The following VNN2 variants were observed in gnomAD, a reference collection of about 807,000 sequenced individuals.
The protein encoded by VNN2 is pantetheine hydrolase VNN2.
A neutral mutation model predicts 43.0 loss-of-function variants in VNN2; 43 were observed. The observed-to-expected ratio is 1.00, with a 90% confidence interval of 0.78 to 1.29. The LOEUF is 1.29. Among genes scored for constraint, VNN2 ranks in the 50% most tolerant of loss-of-function variants. The pLI, the probability that VNN2 is intolerant of heterozygous loss-of-function variation, is 0.00. For synonymous variants in VNN2, 230 were observed against 224.3 expected, an observed-to-expected ratio of 1.03 and a Z score of -0.23; for missense variants, 652 against 619.7, an observed-to-expected ratio of 1.05 and a Z score of -0.55.
At chr6:132,750,473 CT>C (rs1779987955) in intron 5 of VNN2, among the ~76,000 whole-genome samples, 1 of 103,302 alleles carries the variant, frequency 9.7e-6, no homozygotes, top group Non-Finnish European at 2.0e-5. Flanking sequence ...AACCCTGTCT[CT>C]ACTAAAAATA....
At chr6:132,755,666 C>T (rs1376477170) in intron 3 of VNN2, among the ~76,000 whole-genome samples, 177 bp downstream of exon 3, 2 of 152,062 alleles carry the variant, frequency 1.3e-5, no homozygotes, top group Non-Finnish European at 2.9e-5. Flanking sequence ...TAAGCCTCCA[C>T]GCCCAGCCAA....
At chr6:132,753,943 ACT>A (rs1470954116) in intron 3 of VNN2, 4 of 120,872 alleles carry the variant, frequency 3.3e-5, no homozygotes, top group East Asian at 2.3e-4. Context: ...ACAGAGCCAG[ACT>A]CTGCCTAAAA....
At chr6:132,745,336 C>G (rs1348381436) in intron 6 of VNN2, among the ~76,000 whole-genome samples, 1 of 152,196 alleles carries the variant, frequency 6.6e-6, no homozygotes, top group Non-Finnish European at 1.5e-5. Context: ...CTGCCTCAAG[C>G]TCCCCAGTAG....
upstream of VNN2, among the ~76,000 whole-genome samples, chr6:132,761,557 G>C (rs1460374953): frequency 6.6e-6 from 1 of 152,142 alleles, no homozygotes; most frequent in Admixed American, 6.5e-5. Flanking sequence ...CTACTCAGGA[G>C]GCTGAGGCGG....
chr6:132,762,171 G>T (rs376530340), upstream of VNN2, among the ~76,000 whole-genome samples: 3 of 152,118 alleles, frequency 2.0e-5, no homozygotes, highest in Non-Finnish European at 4.4e-5. Flanking sequence ...ACTGCAGTGG[G>T]GTAGCAAAGG....
chr6:132,748,718 T>G (rs1257798181), intron 6 of VNN2, among the ~76,000 whole-genome samples: 1 of 152,234 alleles, frequency 6.6e-6, no homozygotes, highest in African/African-American at 2.4e-5. Flanking sequence ...AGAGTCATAA[T>G]TCTAATTTGA....
chr6:132,754,998 A>G (rs1487924889), intron 3 of VNN2, among the ~76,000 whole-genome samples: 2 of 152,012 alleles, frequency 1.3e-5, no homozygotes, highest in Non-Finnish European at 2.9e-5. Flanking sequence ...ATGTAGTGAG[A>G]CTCTGTTTCC....
Position 132,752,653 on chromosome 6 carries a change from A to G in VNN2, c.634T>C (p.Phe212Leu), listed in dbSNP as rs767551307. ...AFGRFGIFTCFDIFFYDPGVT... is the reference protein window; with the variant it reads ...AFGRFGIFTCLDIFFYDPGVT... ...CCAGGATCATAGAAGAATATATCAAAGCACGTGAAAATGCCAAACCTTCCA... is the reference window on the plus strand; with the variant it reads ...CCAGGATCATAGAAGAATATATCAAGGCACGTGAAAATGCCAAACCTTCCA... The change falls in exon 4 of 7, where the codon TTT becomes CTT. Residue 212 changes from phenylalanine (F) to leucine (L), a missense_variant. Phe to Leu is a conservative substitution (Grantham distance 22, BLOSUM62 0). Transcript: ENST00000326499. The G allele has an allele frequency of 1.1e-4, 182 of 1,614,096 alleles. No individual in the cohort carries two copies. The highest frequency in any genetic ancestry group is 1.5e-4 in the Non-Finnish European group (173 of 1,180,042).
rs780616091 is a variant in VNN2, at chr6:132,755,712, C to CA, written c.537+130dup. ...TTCTTTATTGCCCACTTTCAAAAAA[C>CA]AAAAAACAAAACAAAACAAAAAAAC... is the stretch of plus-strand genomic sequence containing the variant. On this transcript the variant is annotated intron_variant, in intron 3 of 6. Transcript: ENST00000326499. 1.5e-3 allele frequency: 1,579 copies of CA among 1,071,946 alleles called. 2 individuals carry two copies. The highest frequency in any genetic ancestry group is 1.9e-3 in the Non-Finnish European group (1,480 of 783,240). 66.4% of individuals were successfully genotyped at this position (1,071,946 alleles called of 1,614,324 possible).
upstream of VNN2, among the ~76,000 whole-genome samples, chr6:132,761,101 A>T (rs1173380909): frequency 6.6e-6 from 1 of 152,214 alleles, no homozygotes; most frequent in East Asian, 1.9e-4. Flanking sequence ...TTCAGAAGTA[A>T]AAAACCAAAT....
chr6:132,754,974 AG>A (rs1780363921), intron 3 of VNN2, among the ~76,000 whole-genome samples: 2 of 152,160 alleles, frequency 1.3e-5, no homozygotes, highest in Non-Finnish European at 1.5e-5. Flanking sequence ...AAGAGTTCAA[AG>A]ACAGCCTGGG....
Position 132,749,828 on chromosome 6 carries a change from G to A in VNN2, c.1238C>T (p.Thr413Ile), listed in dbSNP as rs1012886041. Residue 413 changes from threonine to isoleucine, a missense_variant, in exon 6 of 7, where the codon ACA becomes ATA. Physicochemically the swap from Thr to Ile is moderately conservative, Grantham distance 89. Transcript: ENST00000326499. Reference protein sequence around the residue: ...TLLKCKTTNLTTCGRPVETAS... With the variant: ...TLLKCKTTNLITCGRPVETAS... Reference sequence around the variant, plus strand: ...AGTTTCTACTGGCCGTCCACAAGTTGTCAAATTAGTAGTTTTGCACTTCAG... The same window carrying A: ...AGTTTCTACTGGCCGTCCACAAGTTATCAAATTAGTAGTTTTGCACTTCAG... 6.2e-7 allele frequency: 1 copy of A among 1,613,976 alleles called. No individual in the cohort carries two copies. Among genetic ancestry groups the A allele is most frequent in the African/African-American group, 1.3e-5 (1 of 74,922 alleles).
chr6:132,757,702 A>T lies in VNN2; in HGVS notation c.182T>A (p.Leu61Gln). ...AGCTGCCTGCTTGATCGCTGTCTCC[A>T]GAATGTCTATATTCTCGTTCATGAG... ...LNLMNENIDI[L>Q]ETAIKQAAEQ... is the part of the protein sequence containing the mutation. Residue 61 changes from leucine (L) to glutamine (Q), a missense_variant, in exon 1 of 7, where the codon CTG becomes CAG. Transcript: ENST00000326499. The T allele has an allele frequency of 6.2e-7, 1 of 1,614,192 alleles. No homozygotes were observed. Among genetic ancestry groups the T allele is most frequent in the East Asian group, 2.2e-5 (1 of 44,884 alleles).
upstream of VNN2, chr6:132,758,006 C>CTTCTTCTTCTTA (rs1780597799): frequency 6.9e-6 from 1 of 145,614 alleles, no homozygotes; most frequent in Admixed American, 1.9e-4. Context: ...CATTTTTCTT[C>CTTCTTCTTCTTA]TTCTTCTTCT....
rs1780454544 is a variant in VNN2 at position 132,756,050 on chromosome 6, A to G, written c.345-15T>C. ...TGTGACCAAATCTAAACCAAATTAT[A>G]ATTAAGAAATTTCAATTTTAAAAAA... On this transcript the variant is annotated splice_polypyrimidine_tract_variant and intron_variant, in intron 2 of 6. Coordinates refer to ENST00000326499, the MANE Select transcript of VNN2 (RefSeq NM_004665.6). The G allele has an allele frequency of 1.3e-6, 2 of 1,524,938 alleles. No individual in the cohort carries two copies. 94.5% of individuals were successfully genotyped at this position (1,524,938 alleles called of 1,614,324 possible). A position where few individuals can be genotyped will look rare whatever the true frequency, so the allele number is the denominator to read the frequency against.
chr6:132,762,156 G>T (rs528325202), upstream of VNN2, among the ~76,000 whole-genome samples: 97 of 152,158 alleles, frequency 6.4e-4, no homozygotes, highest in Middle Eastern at 3.2e-3. Context: ...CAGCGTGGTA[G>T]AAAAACTGCA....
At chr6:132,756,121 T>C (rs1780463134) in intron 2 of VNN2, 86 bp from the exon 3 acceptor site, 1 of 1,250,958 alleles carries the variant, frequency 8.0e-7, no homozygotes, top group African/African-American at 1.5e-5. Flanking sequence ...TGTAACCACT[T>C]AAGTGGAACT....
intron 6 of VNN2, 85 bp downstream of exon 6, chr6:132,749,610 G>C: frequency 7.6e-7 from 1 of 1,317,340 alleles, no homozygotes; most frequent in Non-Finnish European, 1.0e-6. Context: ...CACAGCAGAA[G>C]TTAACTGGCA....
At chr6:132,754,689 G>T (rs1043650407) in intron 3 of VNN2, among the ~76,000 whole-genome samples, 3 of 152,068 alleles carry the variant, frequency 2.0e-5, no homozygotes, top group Non-Finnish European at 4.4e-5. Context: ...TGACTTAAAG[G>T]TTATTTGATT....
Sources: gnomAD v4.1 joint callset for allele counts (sites outside exome capture counted in the v4.1 genomes callset) on GRCh38, gnomAD v4.1.1 for gene constraint, MANE v1.5 for transcripts, NCBI Gene and HGNC (gene_info 2026-07-23, HGNC 2026-07-21) for gene names.